Variants in MYRIP observed in about 807,000 individuals in gnomAD.
MYRIP encodes myosin VIIA and Rab interacting protein, also known as rab effector MyRIP.
A neutral mutation model predicts 98.0 loss-of-function variants in MYRIP; 49 were observed. The observed-to-expected ratio is 0.50, with a 90% CI of 0.40 to 0.63. The LOEUF is 0.63. Ranked by LOEUF, MYRIP falls within the 30% of genes least tolerant of loss-of-function variation. The probability of loss-of-function intolerance (pLI) is 0.00; values close to 1 mark genes in which losing one functional copy is unlikely to be tolerated. For synonymous variants in MYRIP, 404 were observed against 409.5 expected (o/e 0.99, Z 0.16); for missense variants, 1,004 against 1,058.2 (o/e 0.95, Z 0.71).
intron 2 of MYRIP, among the ~76,000 whole-genome samples, chr3:40,031,806 T>C (rs1947267841): frequency 6.6e-6 from 1 of 152,168 alleles, no homozygotes; most frequent in Non-Finnish European, 1.5e-5. Flanking sequence ...CTGATGGTAG[T>C]TTGTATTTCT....
chr3:39,879,755 A>G (rs1330765275), intron 1 of MYRIP, among the ~76,000 whole-genome samples: 1 of 152,202 alleles, frequency 6.6e-6, no homozygotes, highest in Non-Finnish European at 1.5e-5. Flanking sequence ...ATCTCTGCTC[A>G]GATTTTTCAC....
intron 10 of MYRIP, among the ~76,000 whole-genome samples, chr3:40,195,412 C>G (rs1951359920): frequency 6.6e-6 from 1 of 152,198 alleles, no homozygotes; most frequent in African/African-American, 2.4e-5. Flanking sequence ...CCAGCCTCAG[C>G]TTCCCAAGTA....
At chr3:39,986,450 C>G (rs565315456) in intron 2 of MYRIP, among the ~76,000 whole-genome samples, 2 of 133,006 alleles carry the variant, frequency 1.5e-5, no homozygotes, top group African/African-American at 3.6e-5. Flanking sequence ...CTCCCTCTCT[C>G]TCTCCCTCTC....
intron 1 of MYRIP, among the ~76,000 whole-genome samples, chr3:39,827,988 T>C (rs1342635867): frequency 6.6e-6 from 1 of 152,130 alleles, no homozygotes; most frequent in South Asian, 2.1e-4. Context: ...ATATGTGACT[T>C]GATGCTTTTC....
intron 3 of MYRIP, among the ~76,000 whole-genome samples, chr3:40,110,010 A>G (rs1219208860): frequency 6.6e-6 from 1 of 151,834 alleles, no homozygotes; most frequent in Non-Finnish European, 1.5e-5. Flanking sequence ...TGTAGGGAAA[A>G]AGGGTAACTA....
intron 1 of MYRIP, among the ~76,000 whole-genome samples, chr3:39,874,174 T>A (rs964189613): frequency 6.6e-6 from 1 of 152,210 alleles, no homozygotes; most frequent in African/African-American, 2.4e-5. Flanking sequence ...GCTTGTGATT[T>A]TTGTACATTG....
intron 10 of MYRIP, among the ~76,000 whole-genome samples, chr3:40,200,168 G>A (rs757980624): frequency 3.4e-5 from 5 of 145,960 alleles, no homozygotes; most frequent in Non-Finnish European, 6.1e-5. Context: ...GGGTACACTA[G>A]GTCAGGGTAT....
At chr3:39,979,165 T>C (rs1945822716) in intron 2 of MYRIP, among the ~76,000 whole-genome samples, 1 of 152,116 alleles carries the variant, frequency 6.6e-6, no homozygotes, top group Admixed American at 6.5e-5. Context: ...TGTTTGTCTG[T>C]TTTTTGAGAT....
chr3:40,045,722 A>T (rs1318815255), intron 3 of MYRIP, among the ~76,000 whole-genome samples: 2 of 152,194 alleles, frequency 1.3e-5, no homozygotes, highest in Non-Finnish European at 2.9e-5. Context: ...TTCCTGTAAC[A>T]AATTATGAAT....
chr3:39,879,900 C>G (rs1280389193), intron 1 of MYRIP, among the ~76,000 whole-genome samples: 1 of 152,132 alleles, frequency 6.6e-6, no homozygotes, highest in Non-Finnish European at 1.5e-5. Flanking sequence ...CCCACTACCA[C>G]CTCAATTTCC....
At chr3:40,229,395 G>T (rs529563355) in intron 11 of MYRIP, among the ~76,000 whole-genome samples, 1 of 152,140 alleles carries the variant, frequency 6.6e-6, no homozygotes, top group African/African-American at 2.4e-5. Flanking sequence ...GATGAATTGC[G>T]CAGGGCACGA....
chr3:40,182,358 A>C lies in MYRIP; in HGVS notation c.1012A>C (p.Arg338=). Residue 338 remains arginine, a synonymous_variant, in exon 9 of 17, where the codon AGG becomes CGG. Transcript: ENST00000302541. ...SALPSWKSVD[R]LDETNLAPVL... Reference sequence around the variant, plus strand: ...TCTGCCCAGCTGGAAGAGTGTGGACAGGCTGGATGAAACAAGTAACTGTTT... The same window carrying C: ...TCTGCCCAGCTGGAAGAGTGTGGACCGGCTGGATGAAACAAGTAACTGTTT... 1 of 1,612,840 alleles carries C rather than the reference A, an allele frequency of 6.2e-7. No individual in the cohort carries two copies. The highest frequency in any genetic ancestry group is 8.5e-7 in the Non-Finnish European group (1 of 1,179,562).
chr3:39,858,347 A>G (rs1942367077), intron 1 of MYRIP, among the ~76,000 whole-genome samples: 1 of 152,216 alleles, frequency 6.6e-6, no homozygotes, highest in Non-Finnish European at 1.5e-5. Context: ...TCAAAAAGAT[A>G]TTATAATTTA....
intron 1 of MYRIP, among the ~76,000 whole-genome samples, chr3:39,874,377 G>C (rs1338327633): frequency 6.6e-6 from 1 of 151,698 alleles, no homozygotes; most frequent in Non-Finnish European, 1.5e-5. Context: ...CCAACACTAT[G>C]TTGAATAGGA....
intron 2 of MYRIP, among the ~76,000 whole-genome samples, chr3:40,007,013 C>T: frequency 6.6e-6 from 1 of 152,210 alleles, no homozygotes; most frequent in East Asian, 1.9e-4. Flanking sequence ...TGTTCACTAC[C>T]ATGCCCAGCT....
intron 13 of MYRIP, among the ~76,000 whole-genome samples, chr3:40,244,912 C>A (rs1216201820): frequency 2.0e-5 from 3 of 152,222 alleles, no homozygotes; most frequent in Non-Finnish European, 4.4e-5. Flanking sequence ...CCATTCCACT[C>A]CAAGACCATC....
chr3:40,100,043 A>G, intron 3 of MYRIP: 1 of 984,910 alleles, frequency 1.0e-6, no homozygotes, highest in Non-Finnish European at 1.2e-6. Flanking sequence ...CTGTTCCTTC[A>G]CTCTGGTATT....
At chr3:39,922,583 A>C (rs6776086) in intron 2 of MYRIP, among the ~76,000 whole-genome samples, 56,402 of 151,960 alleles carry the variant, frequency 0.37, 10,775 homozygotes, top group East Asian at 0.46. Context: ...ACTGTAGAGT[A>C]AGCAGAGATC....
intron 2 of MYRIP, among the ~76,000 whole-genome samples, chr3:39,945,489 A>G (rs1944880504): frequency 7.6e-6 from 1 of 132,006 alleles, no homozygotes; most frequent in Non-Finnish European, 1.6e-5. Flanking sequence ...AAAAAAAAAA[A>G]AAGAAAAAAG....
Sources: allele counts gnomAD v4.1 joint callset (sites outside exome capture counted in the v4.1 genomes callset), GRCh38; gene constraint gnomAD v4.1.1; transcripts MANE v1.5; gene names NCBI Gene and HGNC (gene_info 2026-07-23, HGNC 2026-07-21).